The following CLSTN2 variants were observed in gnomAD, a reference collection of about 807,000 sequenced individuals.
The protein encoded by CLSTN2 is calsyntenin-2.
CLSTN2 carries 48 observed loss-of-function variants against 101.2 expected under a neutral mutation model. The ratio of observed to expected loss-of-function variants is 0.47; its 90% confidence interval spans 0.38 to 0.60. The LOEUF (loss-of-function observed/expected upper bound fraction) is 0.60. Among genes scored for constraint, CLSTN2 ranks in the 20% least tolerant of loss-of-function variants. CLSTN2 has a pLI of 0.00. For synonymous variants in CLSTN2, 481 were observed against 463.6 expected (o/e 1.04, Z -0.48); for missense variants, 1,160 against 1,238.2 (o/e 0.94, Z 0.95).
intron 4 of CLSTN2, among the ~76,000 whole-genome samples, chr3:140,417,690 C>T (rs933184744): frequency 4.6e-5 from 7 of 151,972 alleles, no homozygotes; most frequent in Non-Finnish European, 8.8e-5. Flanking sequence ...CTGAGAAGAC[C>T]GTGATAGAAA....
At chr3:140,077,277 G>A (rs943591744) in intron 1 of CLSTN2, among the ~76,000 whole-genome samples, 5 of 152,002 alleles carry the variant, frequency 3.3e-5, no homozygotes, top group East Asian at 3.9e-4. Context: ...GTCATTCTCC[G>A]CCAGTGGCTA....
At chr3:140,136,167 G>A (rs1023788452) in intron 1 of CLSTN2, among the ~76,000 whole-genome samples, 3 of 152,084 alleles carry the variant, frequency 2.0e-5, no homozygotes, top group African/African-American at 7.2e-5. Context: ...TATCACCCTT[G>A]GTCATTGTTC....
chr3:140,553,389 GGAAAT>G (rs1045791239), intron 10 of CLSTN2, among the ~76,000 whole-genome samples: 2 of 152,132 alleles, frequency 1.3e-5, no homozygotes, highest in Admixed American at 1.3e-4. Flanking sequence ...ATTTAAATGA[GGAAAT>G]GAAGTCTAAG....
At chr3:140,452,709 G>A (rs1933280872) in intron 6 of CLSTN2, 1 of 152,130 alleles carries the variant, frequency 6.6e-6, no homozygotes, top group African/African-American at 2.4e-5. Flanking sequence ...TTGGGCCTAG[G>A]GAAGCATTGG....
chr3:140,075,011 T>G (rs2107778314), intron 1 of CLSTN2, among the ~76,000 whole-genome samples: 1 of 152,260 alleles, frequency 6.6e-6, no homozygotes, highest in Middle Eastern at 3.4e-3. Flanking sequence ...GGCCAAGGCT[T>G]TACCTCTGGA....
intron 5 of CLSTN2, among the ~76,000 whole-genome samples, chr3:140,446,738 C>T (rs749467164): frequency 1.3e-5 from 2 of 152,188 alleles, no homozygotes; most frequent in Admixed American, 6.5e-5. Context: ...CTGCTTCACA[C>T]ATGCTTCCCT....
At chr3:139,942,574 G>T (rs760008104) in intron 1 of CLSTN2, among the ~76,000 whole-genome samples, 1 of 152,182 alleles carries the variant, frequency 6.6e-6, no homozygotes, top group Non-Finnish European at 1.5e-5. Flanking sequence ...GCAAGGGCGG[G>T]AGGAGATCAT....
chr3:140,118,111 G>A (rs189026067), intron 1 of CLSTN2, among the ~76,000 whole-genome samples: 3 of 151,830 alleles, frequency 2.0e-5, no homozygotes, highest in Non-Finnish European at 2.9e-5. Context: ...GAGAAGATTA[G>A]GACAGACACA....
chr3:140,134,393 A>G (rs2350275), intron 1 of CLSTN2, among the ~76,000 whole-genome samples: 113,025 of 151,878 alleles, frequency 0.74, 43,980 homozygotes, highest in East Asian at 0.92. Context: ...ATCAGACAGA[A>G]CAACTCCTCT....
At chr3:140,136,670 G>A (rs1354304543) in intron 1 of CLSTN2, among the ~76,000 whole-genome samples, 1 of 152,130 alleles carries the variant, frequency 6.6e-6, no homozygotes, top group Admixed American at 6.5e-5. Context: ...GCATCTCTAA[G>A]CTTTAGCTTC....
intron 6 of CLSTN2, among the ~76,000 whole-genome samples, chr3:140,458,169 ATT>A (rs11434420): frequency 6.8e-6 from 1 of 146,432 alleles, no homozygotes. Context: ...ATGGTAGGAG[ATT>A]TTTTTTTTTT....
At chr3:140,141,705 T>C (rs2009699950) in intron 1 of CLSTN2, among the ~76,000 whole-genome samples, 1 of 152,194 alleles carries the variant, frequency 6.6e-6, no homozygotes, top group African/African-American at 2.4e-5. Flanking sequence ...GAACCCAGCC[T>C]CTAGCCCTCC....
chr3:140,398,964 A>C (rs1343165583), intron 2 of CLSTN2, among the ~76,000 whole-genome samples: 1 of 152,210 alleles, frequency 6.6e-6, no homozygotes, highest in East Asian at 1.9e-4. Flanking sequence ...ACTCAGGCAC[A>C]GCAGGGGCTC....
chr3:140,481,535 G>T (rs1314331265), intron 8 of CLSTN2, among the ~76,000 whole-genome samples: 1 of 152,132 alleles, frequency 6.6e-6, no homozygotes, highest in African/African-American at 2.4e-5. Context: ...AAATTACCTT[G>T]GGCAGTATGG....
rs1221642772 is a variant in CLSTN2, at chr3:140,419,825, G to A, written c.638-1300G>A. Among the ~76,000 whole-genome samples, 7 of 38,574 alleles carry A rather than the reference G, an allele frequency of 1.8e-4. 3 individuals carry two copies. Among genetic ancestry groups the A allele is most frequent in the Non-Finnish European group, 2.8e-4 (6 of 21,606 alleles). The allele number at this position is 38,574 out of a possible 152,430, so 25.3% of individuals were successfully genotyped here. A position where few individuals can be genotyped will look rare whatever the true frequency, so the allele number is the denominator to read the frequency against. On this transcript the variant is annotated intron_variant, in intron 4 of 16. Coordinates refer to ENST00000458420, the MANE Select transcript of CLSTN2 (RefSeq NM_022131.3). ...TATACGTGTATATACGTATATATAC[G>A]TATATGTGTATATATATGTGTATAT...
intron 2 of CLSTN2, among the ~76,000 whole-genome samples, chr3:140,265,787 T>C (rs2086689207): frequency 2.6e-5 from 4 of 152,128 alleles, no homozygotes; most frequent in Admixed American, 2.6e-4. Flanking sequence ...GCAAGAATAT[T>C]ACATATCAAA....
At chr3:139,996,942 G>A (rs2006677000) in intron 1 of CLSTN2, among the ~76,000 whole-genome samples, 2 of 151,510 alleles carry the variant, frequency 1.3e-5, no homozygotes, top group African/African-American at 4.9e-5. Flanking sequence ...AGCTACTTGG[G>A]AGGCTGAGGC....
intron 1 of CLSTN2, among the ~76,000 whole-genome samples, chr3:139,990,497 A>G (rs531459080): frequency 6.6e-6 from 1 of 152,350 alleles, no homozygotes; most frequent in African/African-American, 2.4e-5. Context: ...ACCTTCAGAA[A>G]TGCATCCTTT....
chr3:140,534,245 C>A (rs1373344056), intron 9 of CLSTN2, among the ~76,000 whole-genome samples: 1 of 152,082 alleles, frequency 6.6e-6, no homozygotes, highest in African/African-American at 2.4e-5. Context: ...GGATAATGCC[C>A]CTAAGAAAAC....
Sources: gnomAD v4.1 joint callset for allele counts (sites outside exome capture counted in the v4.1 genomes callset) on GRCh38, gnomAD v4.1.1 for gene constraint, MANE v1.5 for transcripts, NCBI Gene and HGNC (gene_info 2026-07-23, HGNC 2026-07-21) for gene names.